Variants in RAD54L observed in about 807,000 individuals in gnomAD.
RAD54L encodes RAD54 like.
A neutral mutation model predicts 91.6 loss-of-function variants in RAD54L; 74 were observed. That is an observed-to-expected ratio of 0.81 (90% CI 0.67 to 0.98). The LOEUF (loss-of-function observed/expected upper bound fraction) is 0.98, where lower values mean the gene tolerates loss of function less well. Among genes scored for constraint, RAD54L ranks in the 50% least tolerant of loss-of-function variants. RAD54L has a pLI of 0.00. For missense variants in RAD54L, 887 were observed against 945.7 expected (o/e 0.94, Z 0.81); for synonymous variants, 304 against 349.7 (o/e 0.87, Z 1.46).
At chr1:46,251,979 A>G (rs1229609927) in intron 3 of RAD54L, among the ~76,000 whole-genome samples, 1 of 152,200 alleles carries the variant, frequency 6.6e-6, no homozygotes, top group African/African-American at 2.4e-5. Flanking sequence ...ATTTGTTCAA[A>G]GTTGTCCTGT....
Position 46,260,088 on chromosome 1 carries a change from GA to G in RAD54L, c.398del (p.Lys133SerfsTer29). On this transcript the variant is annotated frameshift_variant, in exon 5 of 18. Coordinates refer to ENST00000371975, the MANE Select transcript of RAD54L (RefSeq NM_003579.4). LOFTEE classifies it high-confidence loss of function. ...PPPLSAHDQLKLDKEKLPVHV... is the reference protein window; with the variant it reads ...PPPLSAHDQLXLDKEKLPVHV... ...CCCCGCTGAGCGCTCATGACCAGCT[GA>G]AGCTTGACAAGTATGTGCACTGGTA... is the stretch of plus-strand genomic sequence containing the variant. 6.2e-7 allele frequency: 1 copy of G among 1,614,242 alleles called. No homozygotes were observed. Among genetic ancestry groups the G allele is most frequent in the Non-Finnish European group, 8.5e-7 (1 of 1,180,046 alleles).
rs1412617721 is a variant in RAD54L, at chr1:46,270,651, G to A, written c.1043-8G>A. On this transcript the variant is annotated splice_polypyrimidine_tract_variant and splice_region_variant and intron_variant, in intron 9 of 17. Transcript: ENST00000371975. Reference sequence around the variant, plus strand: ...CATTCTTCTGTTTTCCTTCTCTCCTGTGTTTAGGGACTGCCCATGAATTCA... The same window carrying A: ...CATTCTTCTGTTTTCCTTCTCTCCTATGTTTAGGGACTGCCCATGAATTCA... The A allele has an allele frequency of 3.7e-6, 6 of 1,612,326 alleles. No homozygotes were observed. Among genetic ancestry groups the A allele is most frequent in the Admixed American group, 1.7e-5 (1 of 60,002 alleles).
chr1:46,262,598 A>C (rs1213795095), intron 8 of RAD54L, among the ~76,000 whole-genome samples: 1 of 152,042 alleles, frequency 6.6e-6, no homozygotes, highest in East Asian at 1.9e-4. Context: ...GTAGAGGAAG[A>C]AGTCAAATAC....
At chr1:46,255,864 C>T (rs1353461137) in intron 3 of RAD54L, among the ~76,000 whole-genome samples, 2 of 152,116 alleles carry the variant, frequency 1.3e-5, no homozygotes. Flanking sequence ...TTCTTCCTTA[C>T]CAGTTATGCA....
At chr1:46,258,607 C>A in intron 3 of RAD54L, 79 bp from the exon 4 acceptor site, 2 of 1,106,770 alleles carry the variant, frequency 1.8e-6, no homozygotes, top group Non-Finnish European at 2.8e-6. Context: ...TTGTACAAAA[C>A]CTAATGTGAA....
intron 16 of RAD54L, 72 bp downstream of exon 16, chr1:46,274,789 A>C: frequency 6.3e-7 from 1 of 1,584,084 alleles, no homozygotes. Flanking sequence ...CTTGTTCCTT[A>C]GTGCCTCTCT....
intron 3 of RAD54L, among the ~76,000 whole-genome samples, chr1:46,254,977 G>A (rs1659901176): frequency 2.0e-5 from 3 of 152,190 alleles, no homozygotes; most frequent in Admixed American, 1.3e-4. Flanking sequence ...CCAGAAAGGT[G>A]GAGAGTAGTG....
intron 2 of RAD54L, among the ~76,000 whole-genome samples, chr1:46,248,847 G>A (rs534820485): frequency 1.3e-5 from 2 of 152,260 alleles, no homozygotes; most frequent in African/African-American, 4.8e-5. Context: ...AGAGCCAGTT[G>A]GATTGGACCT....
At position 46,263,702 on chromosome 1, in the gene RAD54L, G is replaced by A. The variant is rs1212543688; in HGVS notation, c.891+2317G>A. On this transcript the variant is annotated intron_variant, in intron 8 of 17. Transcript: ENST00000371975. This position sits in a 1 kb window ranked among gnomAD's most constrained non-coding sequence, Gnocchi z 4.3. ...CATCTGCTTCATCACTGTGGAGGGG[G>A]ACTATGCCAGGAGCCAGGTCCAAAG... is the stretch of plus-strand genomic sequence containing the variant. Among the ~76,000 whole-genome samples the A allele has an allele frequency of 3.3e-5, 5 of 152,186 alleles. No individual in the cohort carries two copies. Among genetic ancestry groups the A allele is most frequent in the Non-Finnish European group, 7.3e-5 (5 of 68,032 alleles).
chr1:46,257,689 C>T (rs982097474), intron 3 of RAD54L, among the ~76,000 whole-genome samples: 34 of 152,176 alleles, frequency 2.2e-4, no homozygotes, highest in Non-Finnish European at 3.8e-4. Flanking sequence ...TTGGGCTTAG[C>T]TTCTCTCTCA....
intron 14 of RAD54L, 28 bp from the exon 15 acceptor site, chr1:46,274,110 T>C (rs1357694538): frequency 2.5e-6 from 4 of 1,586,970 alleles, no homozygotes; most frequent in Non-Finnish European, 3.5e-6. Context: ...TGAAGCTTTA[T>C]TTTCTTGGGT....
rs200139405 is a variant in RAD54L, at chr1:46,261,055, A to G, written c.766+40A>G. On this transcript the variant is annotated intron_variant, in intron 7 of 17. Transcript: ENST00000371975. ...CAAAGATGGCTGCACTCTCCTGCACAGCCTGCTGCTTTCTTACGTGTATGC... is the reference window on the plus strand; with the variant it reads ...CAAAGATGGCTGCACTCTCCTGCACGGCCTGCTGCTTTCTTACGTGTATGC... 6 of 1,603,516 alleles carry G rather than the reference A, an allele frequency of 3.7e-6. No individual in the cohort carries two copies. The East Asian group carries it at 1.3e-4, about 36-fold the overall frequency.
intron 4 of RAD54L, among the ~76,000 whole-genome samples, 176 bp from the exon 5 acceptor site, chr1:46,259,788 A>T (rs529968322): frequency 6.6e-6 from 1 of 152,132 alleles, no homozygotes; most frequent in East Asian, 1.9e-4. Flanking sequence ...AAAAAAAAAA[A>T]AGCTGAATGG....
intron 6 of RAD54L, 39 bp from the exon 7 acceptor site, chr1:46,260,688 C>T (rs1308647285): frequency 4.3e-6 from 7 of 1,613,846 alleles, no homozygotes; most frequent in Middle Eastern, 1.6e-4. Context: ...ACAGCAGCAG[C>T]GTAGGTGCCA....
rs756042502 is a variant in RAD54L at position 46,248,365 on chromosome 1, T to C, written c.-41T>C. Reference sequence around the variant, plus strand: ...TTAGCCGCTGCCTGCTTTTGACCTTTGGCTCATGGGTACTTGACGTTTTAA... The same window carrying C: ...TTAGCCGCTGCCTGCTTTTGACCTTCGGCTCATGGGTACTTGACGTTTTAA... On this transcript the variant is annotated 5_prime_UTR_variant, in exon 1 of 18. Coordinates refer to ENST00000371975, the MANE Select transcript of RAD54L (RefSeq NM_003579.4). The C allele has an allele frequency of 6.2e-7, 1 of 1,612,684 alleles. No homozygotes were observed. The highest frequency in any genetic ancestry group is 1.3e-5 in the African/African-American group (1 of 74,870).
chr1:46,255,689 C>T lies in RAD54L; in HGVS notation c.211-2997C>T, dbSNP rs148597224. Among the ~76,000 whole-genome samples the T allele has an allele frequency of 2.0e-4, 30 of 152,070 alleles. No individual in the cohort carries two copies. In the East Asian group the frequency reaches 5.6e-3, roughly 28 times the overall value. On this transcript the variant is annotated intron_variant, in intron 3 of 17. Transcript: ENST00000371975. ...CAGTTTTTTGTACTTTTAGCAGAGA[C>T]GGGGTTTCACCATGTTGGCAAGGCA...
chr1:46,250,432 G>A (rs1252383446), intron 3 of RAD54L, among the ~76,000 whole-genome samples: 1 of 152,198 alleles, frequency 6.6e-6, no homozygotes, highest in Admixed American at 6.5e-5. Flanking sequence ...GTGTACCAGA[G>A]TCATGTATTT....
At chr1:46,254,036 G>A (rs1377978530) in intron 3 of RAD54L, among the ~76,000 whole-genome samples, 8 of 151,814 alleles carry the variant, frequency 5.3e-5, no homozygotes, top group Admixed American at 1.3e-4. Flanking sequence ...GTGCGGTGGC[G>A]TGATCTTGGC....
In RAD54L at chr1:46,272,775, A is replaced by G; in HGVS notation, c.1348A>G (p.Ile450Val). 1 of 1,614,168 alleles carries G rather than the reference A, an allele frequency of 6.2e-7. No homozygotes were observed. Among genetic ancestry groups the G allele is most frequent in the South Asian group, 1.1e-5 (1 of 91,086 alleles). ...GKMSVSSLSSITSLKKLCNHP... is the reference protein window; with the variant it reads ...GKMSVSSLSSVTSLKKLCNHP... ...GATGAGTGTGTCTTCCCTTTCTTCCATCACCTCGCTAAAGAAGCTTTGTAA... is the reference window on the plus strand; with the variant it reads ...GATGAGTGTGTCTTCCCTTTCTTCCGTCACCTCGCTAAAGAAGCTTTGTAA... Residue 450 changes from isoleucine (I) to valine (V), a missense_variant, in exon 12 of 18, where the codon ATC becomes GTC. Coordinates refer to ENST00000371975, the MANE Select transcript of RAD54L (RefSeq NM_003579.4).
Sources: gnomAD v4.1 joint callset for allele counts (sites outside exome capture counted in the v4.1 genomes callset) on GRCh38, gnomAD v4.1.1 for gene constraint, Gnocchi (gnomAD v3.1) non-coding constraint, MANE v1.5 for transcripts, NCBI Gene and HGNC (gene_info 2026-07-23, HGNC 2026-07-21) for gene names.